CLDN16: variants seen among roughly 807,000 people sequenced by gnomAD.
CLDN16 encodes the protein claudin-16.
A neutral mutation model predicts 24.6 loss-of-function variants in CLDN16; 13 were observed. The observed-to-expected ratio is 0.53, with a 90% CI of 0.34 to 0.84. The LOEUF is 0.84. Ranked by LOEUF, CLDN16 falls within the 40% of genes least tolerant of loss-of-function variation. The pLI, the probability that CLDN16 is intolerant of heterozygous loss-of-function variation, is 0.01. For synonymous variants in CLDN16, 116 were observed against 106.7 expected, an observed-to-expected ratio of 1.09 and a Z score of -0.54; for missense variants, 298 against 292.7, an observed-to-expected ratio of 1.02 and a Z score of -0.13.
intron 1 of CLDN16, among the ~76,000 whole-genome samples, chr3:190,353,661 C>T (rs1293317075): frequency 1.3e-5 from 2 of 152,046 alleles, no homozygotes; most frequent in East Asian, 1.9e-4. Flanking sequence ...AAATCATCCT[C>T]TTGATATTTA....
At position 190,352,246 on chromosome 3, in the gene CLDN16, A is replaced by G. The variant is rs576318580; in HGVS notation, n.122-18647A>G. On this transcript the variant is annotated intron_variant and non_coding_transcript_variant, in intron 1 of 4. Transcript: ENST00000468220. Reference sequence around the variant, plus strand: ...CTTCAAACATAATTAACAATTTTAAAGAGTAAGAAAAGTTTGCCAAGTGAA... The same window carrying G: ...CTTCAAACATAATTAACAATTTTAAGGAGTAAGAAAAGTTTGCCAAGTGAA... Among the ~76,000 whole-genome samples, 4 of 152,242 alleles carry G rather than the reference A, an allele frequency of 2.6e-5. No homozygotes were observed. The South Asian group carries it at 8.3e-4, about 32-fold the overall frequency.
At chr3:190,406,145 A>G in intron 3 of CLDN16, among the ~76,000 whole-genome samples, 1 of 152,228 alleles carries the variant, frequency 6.6e-6, no homozygotes, top group East Asian at 1.9e-4. Flanking sequence ...GTGAAGATGC[A>G]ATGTGGGCAC....
chr3:190,380,240 C>CCCTCCCTTCCTTCCTTCCTTCCTTCCTT (rs1417978876), intron 3 of CLDN16, among the ~76,000 whole-genome samples: 1,961 of 47,882 alleles, frequency 0.041, 469 homozygotes, highest in Middle Eastern at 0.08. Context: ...TTCCTTCCCT[C>CCCTCCCTTCCTTCCTTCCTTCCTTCCTT]CCTTCCTTCC....
chr3:190,351,196 C>T (rs910996917), intron 1 of CLDN16, among the ~76,000 whole-genome samples: 8 of 151,964 alleles, frequency 5.3e-5, no homozygotes, highest in Admixed American at 5.3e-4. Flanking sequence ...CTTCCTGAGT[C>T]CCTCACCAGA....
rs116193844 is a variant in CLDN16, at chr3:190,334,737, G to A, written n.121+12076G>A. 2.8e-3 allele frequency among the ~76,000 whole-genome samples: 431 copies of A among 152,306 alleles called. 4 individuals carry two copies. Among genetic ancestry groups the A allele is most frequent in the African/African-American group, 0.01 (420 of 41,562 alleles). On this transcript the variant is annotated intron_variant and non_coding_transcript_variant, in intron 1 of 4. Transcript: ENST00000468220. ...CATCTCCCAGGTGCTACAGGTATTG[G>A]TTACTAGCAAATTGCATTGTTAGCA...
chr3:190,323,027 C>CACACACACACACACAG (rs1219134741), intron 1 of CLDN16, among the ~76,000 whole-genome samples: 1 of 149,966 alleles, frequency 6.7e-6, no homozygotes. Flanking sequence ...CACACACACA[C>CACACACACACACACAG]AGACACACTC....
At chr3:190,381,224 A>G (rs1338960931) in intron 3 of CLDN16, among the ~76,000 whole-genome samples, 1 of 152,138 alleles carries the variant, frequency 6.6e-6, no homozygotes, top group Non-Finnish European at 1.5e-5. Flanking sequence ...ACTTGTTTTT[A>G]TTAGTTTCCC....
intron 1 of CLDN16, among the ~76,000 whole-genome samples, chr3:190,395,730 T>A (rs78163459): frequency 0.037 from 5,626 of 152,162 alleles, 158 homozygotes; most frequent in Non-Finnish European, 0.057. Context: ...GGTGGTTTTT[T>A]AAAATAATAT....
chr3:190,327,289 A>C (rs1236625348), intron 1 of CLDN16, among the ~76,000 whole-genome samples: 1 of 152,176 alleles, frequency 6.6e-6, no homozygotes, highest in East Asian at 1.9e-4. Flanking sequence ...ACGGAGGGTA[A>C]TGCACTTTAT....
intron 1 of CLDN16, among the ~76,000 whole-genome samples, chr3:190,337,117 T>C (rs1248469186): frequency 6.6e-6 from 1 of 152,186 alleles, no homozygotes; most frequent in Non-Finnish European, 1.5e-5. Context: ...GGACTGCTGT[T>C]GTAATATAGC....
chr3:190,401,418 T>A (rs377013423), intron 1 of CLDN16, among the ~76,000 whole-genome samples: 30 of 152,366 alleles, frequency 2.0e-4, no homozygotes, highest in African/African-American at 7.2e-4. Flanking sequence ...TACTAAACTA[T>A]TCCCAGATAC....
intron 1 of CLDN16, among the ~76,000 whole-genome samples, chr3:190,358,069 G>GT (rs1437962615): frequency 6.6e-6 from 1 of 151,768 alleles, no homozygotes; most frequent in Non-Finnish European, 1.5e-5. Context: ...TGACTGGCAC[G>GT]TATTGGTGGA....
rs796990326 is a variant in CLDN16, at chr3:190,407,817, G to C, written c.383-497G>C. On this transcript the variant is annotated intron_variant, in intron 3 of 4. Coordinates refer to ENST00000264734, the MANE Select transcript of CLDN16 (RefSeq NM_006580.4). ...TGACTTTAAAAACAGTTTTCACATG[G>C]GTGCTGATTACGTAGCTGGCATAGC... Among the ~76,000 whole-genome samples, 3 of 152,276 alleles carry C rather than the reference G, an allele frequency of 2.0e-5. No individual in the cohort carries two copies. The South Asian group carries it at 6.2e-4, about 32-fold the overall frequency.
At chr3:190,406,975 C>G (rs1305032945) in intron 3 of CLDN16, among the ~76,000 whole-genome samples, 2 of 152,082 alleles carry the variant, frequency 1.3e-5, no homozygotes, top group East Asian at 3.9e-4. Flanking sequence ...CTCTTGACCT[C>G]GTGATCCGCC....
chr3:190,339,941 C>T (rs1717391506), intron 1 of CLDN16, among the ~76,000 whole-genome samples: 1 of 152,062 alleles, frequency 6.6e-6, no homozygotes, highest in African/African-American at 2.4e-5. Flanking sequence ...TCAAATTCAA[C>T]AGCATATCAG....
chr3:190,376,233 C>T (rs1459023778), intron 3 of CLDN16, among the ~76,000 whole-genome samples: 2 of 151,708 alleles, frequency 1.3e-5, no homozygotes, highest in Non-Finnish European at 2.9e-5. Flanking sequence ...TGCAGGAGAA[C>T]CGCATTTCTG....
At chr3:190,397,199 C>A (rs957632977) in intron 1 of CLDN16, among the ~76,000 whole-genome samples, 1 of 152,070 alleles carries the variant, frequency 6.6e-6, no homozygotes, top group Non-Finnish European at 1.5e-5. Flanking sequence ...TATTATTGTA[C>A]CTTAAATAAA....
At chr3:190,297,881 C>T in the CLDN16 span, among the ~76,000 whole-genome samples, 5 of 150,818 alleles carry the variant, frequency 3.3e-5, no homozygotes, top group East Asian at 3.9e-4. Context: ...AAGTTGGACA[C>T]GTATCATGAC....
chr3:190,353,377 A>G (rs1266397165), intron 1 of CLDN16, among the ~76,000 whole-genome samples: 1 of 152,048 alleles, frequency 6.6e-6, no homozygotes, highest in Non-Finnish European at 1.5e-5. Context: ...CCAGCTTCCA[A>G]TAGCTTCCCA....
Sources: allele counts gnomAD v4.1 joint callset (sites outside exome capture counted in the v4.1 genomes callset), GRCh38; gene constraint gnomAD v4.1.1; transcripts MANE v1.5; gene names NCBI Gene and HGNC (gene_info 2026-07-23, HGNC 2026-07-21).